The following TTC39B variants were observed in gnomAD, a reference collection of about 807,000 sequenced individuals.
TTC39B encodes the protein tetratricopeptide repeat domain 39B.
In TTC39B, 92 loss-of-function variants were observed where a neutral mutation model predicts 96.6. The ratio of observed to expected loss-of-function variants is 0.95; its 90% confidence interval spans 0.80 to 1.13. The LOEUF (loss-of-function observed/expected upper bound fraction) is 1.13. Ranked by LOEUF, TTC39B falls within the 50% of genes most tolerant of loss-of-function variation. TTC39B has a pLI of 0.00. For missense variants in TTC39B, 955 were observed against 809.3 expected (o/e 1.18, Z -2.18); for synonymous variants, 367 against 299.4 (o/e 1.23, Z -2.33).
chr9:15,263,022 C>T (rs7030770), intron 2 of TTC39B, among the ~76,000 whole-genome samples: 43,205 of 152,104 alleles, frequency 0.28, 9,513 homozygotes, highest in African/African-American at 0.62. Context: ...ATAAAAACAA[C>T]TGAAGAAATT....
At chr9:15,294,458 T>C (rs1824299507) in intron 1 of TTC39B, among the ~76,000 whole-genome samples, 1 of 152,238 alleles carries the variant, frequency 6.6e-6, no homozygotes, top group Non-Finnish European at 1.5e-5. Flanking sequence ...AAACAAAGGT[T>C]ACAACACCAT....
At chr9:15,261,136 G>C (rs1296159244) in intron 2 of TTC39B, among the ~76,000 whole-genome samples, 2 of 152,186 alleles carry the variant, frequency 1.3e-5, no homozygotes, top group African/African-American at 2.4e-5. Context: ...CTCCCGGTTA[G>C]ATTTTTGTCC....
chr9:15,290,812 T>G (rs1218915532), intron 1 of TTC39B, among the ~76,000 whole-genome samples: 1 of 152,186 alleles, frequency 6.6e-6, no homozygotes, highest in Non-Finnish European at 1.5e-5. Flanking sequence ...CTTTAAATGT[T>G]GAACTCCTCA....
chr9:15,243,807 G>C (rs1822154440), intron 2 of TTC39B, among the ~76,000 whole-genome samples: 1 of 152,222 alleles, frequency 6.6e-6, no homozygotes, highest in Non-Finnish European at 1.5e-5. Context: ...CTACTCAGGA[G>C]GCTGAGAGGA....
intron 1 of TTC39B, among the ~76,000 whole-genome samples, chr9:15,305,756 G>A (rs926531901): frequency 2.7e-5 from 4 of 150,516 alleles, no homozygotes; most frequent in South Asian, 2.1e-4. Flanking sequence ...AAGTATCTCC[G>A]AAACAGTCCC....
At chr9:15,167,577 A>T (rs992985789) in exon 20 of TTC39B, 1 of 152,096 alleles carries the variant, frequency 6.6e-6, no homozygotes, top group Non-Finnish European at 1.5e-5. Flanking sequence ...ACATGGAGAA[A>T]CCCCATCTCT....
chr9:15,191,871 G>A (rs1818876674), intron 9 of TTC39B, among the ~76,000 whole-genome samples: 1 of 152,220 alleles, frequency 6.6e-6, no homozygotes, highest in South Asian at 2.1e-4. Flanking sequence ...TGACAAAGAG[G>A]TCTGGGGAAG....
chr9:15,296,846 G>A lies in TTC39B; in HGVS notation c.240+10238C>T, dbSNP rs946371508. Among the ~76,000 whole-genome samples the A allele has an allele frequency of 3.9e-5, 6 of 152,168 alleles. No individual in the cohort carries two copies. The South Asian group carries it at 1.0e-3, about 26-fold the overall frequency. On this transcript the variant is annotated intron_variant, in intron 1 of 19. Transcript: ENST00000512701. ...GGGCCAGGCATGGTGGCTTATGCCT[G>A]TAGTCTCAGCACTTTGAGAGGCCAA...
intron 6 of TTC39B, among the ~76,000 whole-genome samples, chr9:15,206,830 C>A (rs1191531031): frequency 6.6e-6 from 1 of 152,128 alleles, no homozygotes; most frequent in Admixed American, 6.5e-5. Context: ...TCACTGCAAC[C>A]TCTGTGATAT....
chr9:15,197,061 T>C (rs1029732177), intron 8 of TTC39B, among the ~76,000 whole-genome samples: 5 of 152,206 alleles, frequency 3.3e-5, no homozygotes, highest in African/African-American at 9.7e-5. Flanking sequence ...GGTATGTATA[T>C]TTTTTAGACA....
chr9:15,218,635 A>AAAAAAAAATATATATATATATATATAT (rs374054306), intron 3 of TTC39B, among the ~76,000 whole-genome samples: 4 of 149,448 alleles, frequency 2.7e-5, no homozygotes, highest in African/African-American at 9.9e-5. Flanking sequence ...GTCTATTTTA[A>AAAAAAAAATATATATATATATATATAT]ATATATATAT....
chr9:15,201,718 G>T (rs1315497030), intron 7 of TTC39B, among the ~76,000 whole-genome samples: 1 of 152,298 alleles, frequency 6.6e-6, no homozygotes, highest in East Asian at 1.9e-4. Flanking sequence ...ACTCAAGTAT[G>T]CAAACCCGTC....
At chr9:15,255,107 G>T (rs1040706496) in intron 2 of TTC39B, among the ~76,000 whole-genome samples, 1 of 151,778 alleles carries the variant, frequency 6.6e-6, no homozygotes, top group Non-Finnish European at 1.5e-5. Flanking sequence ...CTGCTGGTAT[G>T]AATATTTTCA....
At chr9:15,254,005 GA>G (rs141800044) in intron 2 of TTC39B, among the ~76,000 whole-genome samples, 1 of 152,046 alleles carries the variant, frequency 6.6e-6, no homozygotes, top group South Asian at 2.1e-4. Context: ...CTTGACTGGA[GA>G]AAAAATGTGG....
intron 2 of TTC39B, among the ~76,000 whole-genome samples, chr9:15,267,365 A>C (rs956099982): frequency 3.3e-5 from 5 of 152,246 alleles, no homozygotes; most frequent in African/African-American, 1.2e-4. Context: ...TAATTCAGTA[A>C]TCCTACATTT....
intron 1 of TTC39B, among the ~76,000 whole-genome samples, chr9:15,305,380 G>C (rs581080): frequency 0.73 from 110,658 of 152,104 alleles, 41,767 homozygotes; most frequent in East Asian, 0.91. Flanking sequence ...AATGGAAGTG[G>C]TAAACTGTGA....
chr9:15,290,872 CTCCTTCCCAGGCGTA>C (rs1258351126), intron 1 of TTC39B, among the ~76,000 whole-genome samples: 1 of 152,228 alleles, frequency 6.6e-6, no homozygotes, highest in Non-Finnish European at 1.5e-5. Flanking sequence ...GCAACTGTGT[CTCCTTCCCAGGCGTA>C]TCCTCTATCT....
At chr9:15,216,889 G>C (rs1820547859) in intron 3 of TTC39B, among the ~76,000 whole-genome samples, 1 of 152,202 alleles carries the variant, frequency 6.6e-6, no homozygotes, top group African/African-American at 2.4e-5. Context: ...GAACTGACCA[G>C]GGTCATCCCT....
chr9:15,177,845 A>C, intron 17 of TTC39B, 31 bp from the exon 18 acceptor site: 175 of 1,095,520 alleles, frequency 1.6e-4, no homozygotes, highest in Non-Finnish European at 2.2e-4. Context: ...AAGAAAACAC[A>C]CAAAGAAAAA....
Sources: gnomAD v4.1 joint callset for allele counts (sites outside exome capture counted in the v4.1 genomes callset) on GRCh38, gnomAD v4.1.1 for gene constraint, MANE v1.5 for transcripts, NCBI Gene and HGNC (gene_info 2026-07-23, HGNC 2026-07-21) for gene names.